DROSHA: variants seen among roughly 807,000 people sequenced by gnomAD.
The protein encoded by DROSHA is ribonuclease 3.
In DROSHA, 56 loss-of-function variants were observed where a neutral mutation model predicts 181.9. That is an observed-to-expected ratio of 0.31 (90% CI 0.25 to 0.38). The LOEUF is 0.38. Ranked by LOEUF, DROSHA falls within the 10% of genes least tolerant of loss-of-function variation. The pLI, the probability that DROSHA is intolerant of heterozygous loss-of-function variation, is 1.00. For missense variants in DROSHA, 1,218 were observed against 1,743.5 expected, an observed-to-expected ratio of 0.70 and a Z score of 5.37; for synonymous variants, 524 against 591.2, an observed-to-expected ratio of 0.89 and a Z score of 1.65.
At chr5:31,478,122 T>G (rs1750617413) in intron 16 of DROSHA, among the ~76,000 whole-genome samples, 1 of 151,984 alleles carries the variant, frequency 6.6e-6, no homozygotes, top group Non-Finnish European at 1.5e-5. Context: ...ACCTGAAAAA[T>G]GCGGAAAGTT....
intron 21 of DROSHA, among the ~76,000 whole-genome samples, 191 bp downstream of exon 21, chr5:31,451,342 G>A (rs6886834): frequency 0.14 from 20,641 of 152,154 alleles, 1,846 homozygotes; most frequent in Admixed American, 0.21. Flanking sequence ...CTTTAGGGAC[G>A]GTCTCACATA....
chr5:31,449,849 C>A (rs1287053879), intron 21 of DROSHA, among the ~76,000 whole-genome samples: 3 of 152,146 alleles, frequency 2.0e-5, no homozygotes, highest in African/African-American at 7.2e-5. Flanking sequence ...CATCTTATCT[C>A]CCCAAGTATC....
intron 16 of DROSHA, among the ~76,000 whole-genome samples, chr5:31,475,205 C>G (rs1750226776): frequency 6.6e-6 from 1 of 152,178 alleles, no homozygotes; most frequent in Non-Finnish European, 1.5e-5. Flanking sequence ...GTGGTCCCAG[C>G]TGCTCAGGAG....
At position 31,531,985 on chromosome 5, in the gene DROSHA, T is replaced by G. The variant is rs1316093868; in HGVS notation, c.-250+5A>C. 4.3e-6 allele frequency: 1 copy of G among 234,964 alleles called. No homozygotes were observed. The highest frequency in any genetic ancestry group is 8.5e-6 in the Non-Finnish European group (1 of 117,400). 14.6% of individuals were successfully genotyped at this position (234,964 alleles called of 1,614,324 possible). A position where few individuals can be genotyped will look rare whatever the true frequency, so the allele number is the denominator to read the frequency against. On this transcript the variant is annotated splice_donor_5th_base_variant and intron_variant, in intron 1 of 35. Transcript: ENST00000344624. ...CTTCTAACACTTGCAAGGTACCCCT[T>G]TTACCTATAAAAGGCTCTCGGGCCG... is the stretch of plus-strand genomic sequence containing the variant.
intron 6 of DROSHA, among the ~76,000 whole-genome samples, chr5:31,515,933 C>T (rs567059698): frequency 6.6e-6 from 1 of 152,158 alleles, no homozygotes; most frequent in African/African-American, 2.4e-5. Context: ...CTGCAAAGAC[C>T]CATCCTATGG....
intron 23 of DROSHA, among the ~76,000 whole-genome samples, chr5:31,437,806 T>C (rs530301900): frequency 6.6e-6 from 1 of 152,214 alleles, no homozygotes; most frequent in South Asian, 2.1e-4. Flanking sequence ...ATCTACTCAT[T>C]GGGCCCTGCT....
At chr5:31,410,923 T>C in intron 30 of DROSHA, 36 bp from the exon 31 acceptor site, 1 of 1,611,816 alleles carries the variant, frequency 6.2e-7, no homozygotes, top group Non-Finnish European at 8.5e-7. Flanking sequence ...TGAGAACACA[T>C]TTCACTTTTG....
At chr5:31,408,885 G>C in intron 33 of DROSHA, 171 bp downstream of exon 33, 4 of 585,030 alleles carry the variant, frequency 6.8e-6, no homozygotes, top group Non-Finnish European at 1.2e-5. Flanking sequence ...CTAAGAGTGA[G>C]AGCCCCAGTG....
intron 20 of DROSHA, among the ~76,000 whole-genome samples, chr5:31,463,578 T>C (rs1246424306): frequency 1.3e-5 from 2 of 152,180 alleles, no homozygotes; most frequent in Admixed American, 1.3e-4. Context: ...CTTCATCCAA[T>C]ATCAATTGTG....
intron 20 of DROSHA, among the ~76,000 whole-genome samples, chr5:31,460,550 T>C (rs1289813958): frequency 1.3e-5 from 2 of 152,120 alleles, no homozygotes; most frequent in African/African-American, 4.8e-5. Context: ...CTACTAGCAA[T>C]TATTACTAAA....
intron 3 of DROSHA, among the ~76,000 whole-genome samples, chr5:31,530,390 C>A (rs978103329): frequency 1.3e-5 from 2 of 152,070 alleles, no homozygotes; most frequent in Non-Finnish European, 2.9e-5. Context: ...CAAGTTCAAC[C>A]TCTGTGCTTG....
At chr5:31,473,174 A>G (rs3806848) in intron 16 of DROSHA, among the ~76,000 whole-genome samples, 1 of 152,164 alleles carries the variant, frequency 6.6e-6, no homozygotes, top group Non-Finnish European at 1.5e-5. Context: ...AGAAAGGGAC[A>G]AAGAGCACAA....
intron 30 of DROSHA, among the ~76,000 whole-genome samples, chr5:31,417,036 A>T (rs1053297096): frequency 2.0e-5 from 3 of 152,232 alleles, no homozygotes; most frequent in African/African-American, 7.2e-5. Context: ...CTATATGCTA[A>T]GGAGGAGAAA....
Position 31,450,539 on chromosome 5 carries a change from G to A in DROSHA, c.2682+994C>T, listed in dbSNP as rs1283664559. On this transcript the variant is annotated intron_variant, in intron 21 of 35. Transcript: ENST00000344624. Reference sequence around the variant, plus strand: ...TAATGTATTTTGCAGCAACTCAGTTGGAACTACAGGCCATTATCCTAAGTT... The same window carrying A: ...TAATGTATTTTGCAGCAACTCAGTTAGAACTACAGGCCATTATCCTAAGTT... 2.0e-5 allele frequency among the ~76,000 whole-genome samples: 3 copies of A among 152,190 alleles called. No homozygotes were observed. In the East Asian group the frequency reaches 5.8e-4, roughly 29 times the overall value.
At chr5:31,457,997 T>C (rs1306089891) in intron 20 of DROSHA, among the ~76,000 whole-genome samples, 2 of 152,150 alleles carry the variant, frequency 1.3e-5, no homozygotes, top group African/African-American at 2.4e-5. Flanking sequence ...ATACAGAAAA[T>C]TGAGTGTAAA....
intron 21 of DROSHA, among the ~76,000 whole-genome samples, chr5:31,450,114 A>G (rs1356318402): frequency 6.6e-6 from 1 of 152,238 alleles, no homozygotes; most frequent in East Asian, 1.9e-4. Context: ...CCACAAGGAG[A>G]TACCACTTAC....
chr5:31,438,905 G>C (rs1745208984), intron 23 of DROSHA, among the ~76,000 whole-genome samples: 1 of 152,070 alleles, frequency 6.6e-6, no homozygotes, highest in Non-Finnish European at 1.5e-5. Context: ...CCAGTATGCT[G>C]TCCTCAAGGA....
At chr5:31,528,314 G>A (rs948836503) in intron 4 of DROSHA, among the ~76,000 whole-genome samples, 3 of 152,092 alleles carry the variant, frequency 2.0e-5, no homozygotes, top group Non-Finnish European at 4.4e-5. Context: ...CTCCTTGAGT[G>A]TCTCACTGAC....
intron 11 of DROSHA, among the ~76,000 whole-genome samples, chr5:31,502,824 G>A (rs535027283): frequency 2.7e-4 from 41 of 152,332 alleles, no homozygotes; most frequent in African/African-American, 9.1e-4. Flanking sequence ...GAGAGATAGC[G>A]CTGTGGGGAA....
Sources: gnomAD v4.1 joint callset for allele counts (sites outside exome capture counted in the v4.1 genomes callset) on GRCh38, gnomAD v4.1.1 for gene constraint, MANE v1.5 for transcripts, NCBI Gene and HGNC (gene_info 2026-07-23, HGNC 2026-07-21) for gene names.